SUMF1: variants seen among roughly 807,000 people sequenced by gnomAD.
SUMF1 encodes the protein formylglycine-generating enzyme.
SUMF1 carries 48 observed loss-of-function variants against 47.6 expected under a neutral mutation model. The ratio of observed to expected loss-of-function variants is 1.01; its 90% CI spans 0.80 to 1.28. The LOEUF (loss-of-function observed/expected upper bound fraction) is 1.28, where lower values mean the gene tolerates loss of function less well. SUMF1 is among the 50% of genes most tolerant of loss of function. The pLI is 0.00. For synonymous variants in SUMF1, 230 were observed against 192.1 expected (o/e 1.20, Z -1.63); for missense variants, 571 against 485.4 (o/e 1.18, Z -1.66).
At chr3:4,233,421 A>G (rs1406634214) in intron 8 of SUMF1, among the ~76,000 whole-genome samples, 1 of 152,046 alleles carries the variant, frequency 6.6e-6, no homozygotes, top group Non-Finnish European at 1.5e-5. Context: ...TTTTTAATAT[A>G]AATTTCTCAC....
At chr3:4,171,891 G>C (rs1400162524) in intron 8 of SUMF1, among the ~76,000 whole-genome samples, 2 of 151,978 alleles carry the variant, frequency 1.3e-5, no homozygotes, top group Non-Finnish European at 2.9e-5. Context: ...TGAGACAGTA[G>C]TCCAACCACG....
intron 8 of SUMF1, among the ~76,000 whole-genome samples, chr3:4,150,898 C>G (rs1040176684): frequency 6.6e-6 from 1 of 151,344 alleles, no homozygotes; most frequent in African/African-American, 2.5e-5. Flanking sequence ...GTTCCATAGG[C>G]TTTAGCTGTC....
intron 8 of SUMF1, among the ~76,000 whole-genome samples, chr3:4,158,393 C>A (rs1444050): frequency 0.69 from 103,962 of 151,078 alleles, 36,295 homozygotes; most frequent in South Asian, 0.73. Context: ...CGAGAATGAT[C>A]CATGTGCTGA....
intron 8 of SUMF1, among the ~76,000 whole-genome samples, chr3:4,145,788 A>C (rs1345609621): frequency 6.6e-6 from 1 of 152,188 alleles, no homozygotes; most frequent in African/African-American, 2.4e-5. Context: ...GAGGCAAAGG[A>C]TAAACATAAA....
chr3:4,169,765 G>A lies in SUMF1; in HGVS notation c.1015-101020C>T, dbSNP rs562072783. 4.6e-5 allele frequency among the ~76,000 whole-genome samples: 7 copies of A among 152,290 alleles called. No individual in the cohort carries two copies. The South Asian group carries it at 1.5e-3, about 32-fold the overall frequency. On this transcript the variant is annotated intron_variant and NMD_transcript_variant, in intron 8 of 12. Coordinates refer to the SUMF1 transcript ENST00000448413. ...GCTTGTGCAAACGGCATGCTCAAGA[G>A]TGAGGCTAAATGATAAACTGTGTGC...
chr3:4,417,348 A>G (rs1701747204), intron 5 of SUMF1, 106 bp from the exon 6 acceptor site: 1 of 807,802 alleles, frequency 1.2e-6, no homozygotes, highest in Non-Finnish European at 2.1e-6. Context: ...GCTTGTTCTG[A>G]GTGAGCCAGT....
intron 8 of SUMF1, among the ~76,000 whole-genome samples, chr3:4,345,771 T>G (rs556158179): frequency 2.0e-5 from 3 of 152,214 alleles, no homozygotes; most frequent in Admixed American, 2.0e-4. Context: ...CCCATCAGCA[T>G]GCTGTATTCA....
intron 8 of SUMF1, among the ~76,000 whole-genome samples, chr3:4,247,744 TAGA>T (rs1029370900): frequency 2.6e-5 from 4 of 152,104 alleles, no homozygotes; most frequent in Non-Finnish European, 4.4e-5. Flanking sequence ...CCACTAGGCA[TAGA>T]AGAATACAAG....
intron 3 of SUMF1, among the ~76,000 whole-genome samples, chr3:4,420,414 G>C (rs1169239703): frequency 1.2e-4 from 5 of 41,088 alleles, no homozygotes; most frequent in Non-Finnish European, 3.0e-4. Flanking sequence ...TTTTTTTTTT[G>C]AGATGGAGTC....
intron 8 of SUMF1, among the ~76,000 whole-genome samples, chr3:4,262,155 C>A (rs184654179): frequency 1.3e-5 from 2 of 152,240 alleles, no homozygotes; most frequent in Admixed American, 1.3e-4. Flanking sequence ...AACTGCCCCT[C>A]CTTGTCATAA....
At chr3:4,415,638 C>T (rs1380056482) in intron 6 of SUMF1, among the ~76,000 whole-genome samples, 1 of 152,094 alleles carries the variant, frequency 6.6e-6, no homozygotes, top group Non-Finnish European at 1.5e-5. Context: ...CATGGTAAAA[C>T]CCTGTCTCTA....
intron 8 of SUMF1, among the ~76,000 whole-genome samples, chr3:4,204,058 A>G (rs1167222037): frequency 1.3e-5 from 2 of 152,060 alleles, no homozygotes; most frequent in African/African-American, 2.4e-5. Context: ...TTATCTGTAT[A>G]CTTACTATTA....
At position 4,456,981 on chromosome 3, in the gene SUMF1, T is replaced by C. The variant is rs901629217; in HGVS notation, c.271-3932A>G. Among the ~76,000 whole-genome samples the C allele has an allele frequency of 7.4e-5, 9 of 121,228 alleles. 1 individual carries two copies. In the East Asian group the frequency reaches 2.2e-3, roughly 29 times the overall value. 79.5% of individuals were successfully genotyped at this position (121,228 alleles called of 152,430 possible). On this transcript the variant is annotated intron_variant, in intron 1 of 8. Transcript: ENST00000272902. ...GTGTGTATATATATACGTGTGTGTA[T>C]ATATATATACGTGTGTGTATATATA...
At chr3:4,205,203 A>G (rs917923913) in intron 8 of SUMF1, among the ~76,000 whole-genome samples, 7 of 152,136 alleles carry the variant, frequency 4.6e-5, no homozygotes, top group Non-Finnish European at 7.4e-5. Context: ...CCAACCCTTA[A>G]GAAGGTTCTT....
intron 8 of SUMF1, among the ~76,000 whole-genome samples, chr3:4,299,424 C>T (rs1324922864): frequency 2.0e-5 from 3 of 152,258 alleles, no homozygotes; most frequent in South Asian, 4.2e-4. Context: ...CCTGTGAACC[C>T]GAATGTTTAG....
At chr3:4,183,066 T>G (rs1695130725) in intron 8 of SUMF1, among the ~76,000 whole-genome samples, 1 of 152,124 alleles carries the variant, frequency 6.6e-6, no homozygotes, top group South Asian at 2.1e-4. Context: ...AGTTTATAGG[T>G]GTGGGAACTT....
intron 7 of SUMF1, among the ~76,000 whole-genome samples, chr3:4,408,439 T>C (rs536007026): frequency 6.6e-6 from 1 of 152,330 alleles, no homozygotes; most frequent in Admixed American, 6.5e-5. Context: ...TTGTAACACT[T>C]CATAATTAAC....
At chr3:4,166,996 T>G (rs899449923) in intron 8 of SUMF1, among the ~76,000 whole-genome samples, 4 of 151,976 alleles carry the variant, frequency 2.6e-5, no homozygotes, top group African/African-American at 9.7e-5. Flanking sequence ...CTCCGAATTC[T>G]AAGGAAAAAT....
At chr3:4,390,387 G>A (rs1024803531) in intron 7 of SUMF1, among the ~76,000 whole-genome samples, 7 of 152,158 alleles carry the variant, frequency 4.6e-5, no homozygotes, top group Non-Finnish European at 1.0e-4. Flanking sequence ...CTCAGCCTTT[G>A]CTGGACAGTT....
Sources: gnomAD v4.1 joint callset for allele counts (sites outside exome capture counted in the v4.1 genomes callset) on GRCh38, gnomAD v4.1.1 for gene constraint, MANE v1.5 for transcripts, NCBI Gene and HGNC (gene_info 2026-07-23, HGNC 2026-07-21) for gene names.